Variants in CSMD2 observed in about 807,000 individuals in gnomAD.
CSMD2 encodes CUB and sushi domain-containing protein 2.
In CSMD2, 130 loss-of-function variants were observed where a neutral mutation model predicts 398.5. That is an observed-to-expected ratio of 0.33 (90% CI 0.28 to 0.38). The LOEUF (loss-of-function observed/expected upper bound fraction) is 0.38, where lower values mean the gene tolerates loss of function less well. Ranked by LOEUF, CSMD2 falls within the 10% of genes least tolerant of loss-of-function variation. The pLI, the probability that CSMD2 is intolerant of heterozygous loss-of-function variation, is 1.00. For synonymous variants in CSMD2, 1,828 were observed against 1,908.5 expected, an observed-to-expected ratio of 0.96 and a Z score of 1.10; for missense variants, 3,829 against 4,764.9, an observed-to-expected ratio of 0.80 and a Z score of 5.78.
chr1:33,608,985 T>C (rs1640818958), intron 41 of CSMD2, among the ~76,000 whole-genome samples: 1 of 152,212 alleles, frequency 6.6e-6, no homozygotes, highest in African/African-American at 2.4e-5. Context: ...TCCTGTGACA[T>C]CACGGCCATC....
rs779650937 is a variant in CSMD2, at chr1:33,577,305, G to A, written c.7567C>T (p.Leu2523Phe). 1 of 1,608,064 alleles carries A rather than the reference G, an allele frequency of 6.2e-7. No individual in the cohort carries two copies. Among genetic ancestry groups the A allele is most frequent in the South Asian group, 1.1e-5 (1 of 90,362 alleles). The stretch of plus-strand genomic sequence containing the variant: ...TCCACCTGCTTCTCACCTTGACAGA[G>A]AGGGATGGCTTCGCTCCACAGGTGG... ...GYHLWSEAIPLCQALSCGLPE... is the reference protein window; with the variant it reads ...GYHLWSEAIPFCQALSCGLPE... Residue 2523 changes from leucine to phenylalanine, a missense_variant, in exon 49 of 71, where the codon CTC (leucine) becomes TTC (phenylalanine). This residue lies in a region of CSMD2 where 723 missense variants were observed against 758.6 expected (regional missense o/e 0.95). Transcript: ENST00000373381.
intron 27 of CSMD2, among the ~76,000 whole-genome samples, chr1:33,654,067 C>T (rs1377322741): frequency 1.3e-5 from 2 of 152,116 alleles, no homozygotes; most frequent in Non-Finnish European, 2.9e-5. Context: ...GGTAGGTCTT[C>T]AGGTCAGGCC....
chr1:33,885,171 C>A (rs144678438), intron 5 of CSMD2: 1 of 152,134 alleles, frequency 6.6e-6, no homozygotes, highest in African/African-American at 2.4e-5. Context: ...GTAAGCAGTA[C>A]GGGTGATTCT....
chr1:33,813,966 C>T (rs1414878500), intron 9 of CSMD2: 3 of 152,748 alleles, frequency 2.0e-5, no homozygotes, highest in East Asian at 1.9e-4. Context: ...CCACTGCCTC[C>T]TATGCAGCCC....
Position 33,781,836 on chromosome 1 carries a change from C to G in CSMD2, c.1663+6764G>C, listed in dbSNP as rs367570658. Among the ~76,000 whole-genome samples the G allele has an allele frequency of 5.3e-5, 8 of 152,276 alleles. No individual in the cohort carries two copies. In the South Asian group the frequency reaches 1.7e-3, roughly 32 times the overall value. ...TGCATTTCCCACAGCTGGTCGCCCC[C>G]ATGGAGGGAGACTGGCTCAGAGTGC... On this transcript the variant is annotated intron_variant, in intron 12 of 70. Coordinates refer to ENST00000373381, the MANE Select transcript of CSMD2 (RefSeq NM_001281956.2).
rs571499073 is a variant in CSMD2 at position 33,743,579 on chromosome 1, G to A, written c.1874C>T (p.Pro625Leu). ...VFSCFFNFTSPSGVVLSPNYP... is the reference protein window; with the variant it reads ...VFSCFFNFTSLSGVVLSPNYP... ...GTTGGGAGACAGGACAACCCCAGACGGGCTGGTGAAGTTGAAGAAGCAGGA... is the reference window on the plus strand; with the variant it reads ...GTTGGGAGACAGGACAACCCCAGACAGGCTGGTGAAGTTGAAGAAGCAGGA... The change falls in exon 14 of 71, where the codon CCG (proline) becomes CTG (leucine). Residue 625 changes from proline (P) to leucine (L), a missense_variant. This residue lies in a region of CSMD2 where 2,001 missense variants were observed against 2,567.1 expected (regional missense o/e 0.78). Transcript: ENST00000373381. The A allele has an allele frequency of 1.1e-4, 183 of 1,604,018 alleles. No homozygotes were observed. The highest frequency in any genetic ancestry group is 2.4e-4 in the South Asian group (22 of 90,434).
intron 39 of CSMD2, among the ~76,000 whole-genome samples, chr1:33,615,728 G>C (rs1274727431): frequency 6.6e-6 from 1 of 152,222 alleles, no homozygotes; most frequent in Non-Finnish European, 1.5e-5. Context: ...CAAGGTCTTT[G>C]TAGTCTCTAA....
intron 2 of CSMD2, among the ~76,000 whole-genome samples, chr1:34,036,563 G>T (rs139929514): frequency 2.5e-4 from 38 of 152,332 alleles, no homozygotes; most frequent in African/African-American, 9.1e-4. Flanking sequence ...AGTATGAGGA[G>T]ATCTTTGGGT....
rs1055971445 is a variant in CSMD2, at chr1:34,144,888, C to T, written c.187+20023G>A. 2.0e-5 allele frequency among the ~76,000 whole-genome samples: 3 copies of T among 152,194 alleles called. No homozygotes were observed. In the East Asian group the frequency reaches 5.8e-4, roughly 29 times the overall value. On this transcript the variant is annotated intron_variant, in intron 1 of 70. Transcript: ENST00000373381. ...GCCTAACAGAAACTGCATTTAACCG[C>T]GATCAAAATGCACAGGCCAAATAAA...
intron 56 of CSMD2, among the ~76,000 whole-genome samples, chr1:33,548,793 G>A (rs1272275753): frequency 6.6e-6 from 1 of 151,368 alleles, no homozygotes; most frequent in African/African-American, 2.4e-5. Flanking sequence ...AGAGCTCCAG[G>A]GAGGCTGGAG....
intron 1 of CSMD2, among the ~76,000 whole-genome samples, chr1:34,093,629 G>A (rs1351088118): frequency 2.1e-5 from 3 of 145,758 alleles, no homozygotes; most frequent in Non-Finnish European, 4.5e-5. Flanking sequence ...CTCAGGAGCC[G>A]ATGCGATCAA....
At chr1:34,064,444 G>A (rs773143496) in intron 2 of CSMD2, among the ~76,000 whole-genome samples, 1 of 152,018 alleles carries the variant, frequency 6.6e-6, no homozygotes, top group Non-Finnish European at 1.5e-5. Flanking sequence ...TCTCTAGGGC[G>A]GGGGCAAAAT....
chr1:33,963,850 A>G (rs1645458123), intron 3 of CSMD2, among the ~76,000 whole-genome samples: 1 of 152,272 alleles, frequency 6.6e-6, no homozygotes, highest in Non-Finnish European at 1.5e-5. Context: ...TGTTCTTACA[A>G]ATAGAACCAC....
At chr1:33,959,073 T>C (rs1317519407) in intron 3 of CSMD2, among the ~76,000 whole-genome samples, 4 of 152,134 alleles carry the variant, frequency 2.6e-5, no homozygotes, top group Non-Finnish European at 5.9e-5. Flanking sequence ...CCAGATCAGA[T>C]AACATGTGCT....
At chr1:33,975,496 C>T (rs1168390642) in intron 3 of CSMD2, among the ~76,000 whole-genome samples, 1 of 151,890 alleles carries the variant, frequency 6.6e-6, no homozygotes, top group South Asian at 2.1e-4. Context: ...TACACACACA[C>T]ACACACACAC....
chr1:33,611,721 C>T (rs548497083), intron 40 of CSMD2, among the ~76,000 whole-genome samples: 1 of 152,296 alleles, frequency 6.6e-6, no homozygotes, highest in South Asian at 2.1e-4. Context: ...ACATTGTCCC[C>T]TCTGTTCCAT....
intron 13 of CSMD2, among the ~76,000 whole-genome samples, chr1:33,770,877 T>G (rs575839240): frequency 6.6e-6 from 1 of 152,322 alleles, no homozygotes; most frequent in East Asian, 1.9e-4. Context: ...AAGGGCCTGC[T>G]GGGCAGCACT....
chr1:34,041,157 T>C (rs929075881), intron 2 of CSMD2, among the ~76,000 whole-genome samples: 2 of 152,094 alleles, frequency 1.3e-5, no homozygotes, highest in Admixed American at 6.5e-5. Flanking sequence ...TATTTATTTA[T>C]TTAAATAAGG....
chr1:33,564,492 C>G (rs1355692461), intron 53 of CSMD2, among the ~76,000 whole-genome samples: 1 of 152,204 alleles, frequency 6.6e-6, no homozygotes, highest in Non-Finnish European at 1.5e-5. Flanking sequence ...CTGAGGGCAT[C>G]TGCATGTTCT....
Sources: allele counts gnomAD v4.1 joint callset (sites outside exome capture counted in the v4.1 genomes callset), GRCh38; gene constraint gnomAD v4.1.1; regional missense constraint gnomAD v4.1.1; transcripts MANE v1.5; gene names NCBI Gene and HGNC (gene_info 2026-07-23, HGNC 2026-07-21).